ZMIZ1: variants seen among roughly 807,000 people sequenced by gnomAD.
ZMIZ1 encodes the protein zinc finger MIZ domain-containing protein 1.
In ZMIZ1, 17 loss-of-function variants were observed where a neutral mutation model predicts 113.9. That is an observed-to-expected ratio of 0.15 (90% CI 0.10 to 0.22). The LOEUF (loss-of-function observed/expected upper bound fraction) is 0.22, where lower values mean the gene tolerates loss of function less well. Ranked by LOEUF, ZMIZ1 falls within the 10% of genes least tolerant of loss-of-function variation. The pLI, the probability that ZMIZ1 is intolerant of heterozygous loss-of-function variation, is 1.00. For synonymous variants in ZMIZ1, 607 were observed against 603.1 expected (o/e 1.01, Z -0.09); for missense variants, 1,059 against 1,477.8 (o/e 0.72, Z 4.65).
intron 1 of ZMIZ1, among the ~76,000 whole-genome samples, chr10:79,102,729 A>G (rs993320916): frequency 6.6e-6 from 1 of 152,176 alleles, no homozygotes; most frequent in African/African-American, 2.4e-5. Flanking sequence ...GCCGTAGGCT[A>G]CCAGGCCCAC....
At position 79,161,313 on chromosome 10, in the gene ZMIZ1, C is replaced by T. The variant is rs114736990; in HGVS notation, c.-130-740C>T. Among the ~76,000 whole-genome samples, 1,024 of 152,344 alleles carry T rather than the reference C, an allele frequency of 6.7e-3. 8 individuals are homozygous for T. The highest frequency in any genetic ancestry group is 0.024 in the African/African-American group (980 of 41,564). On this transcript the variant is annotated intron_variant, in intron 3 of 24. Transcript: ENST00000334512. ...TCCTAAACTAGAACTAGGGTCACATCCCTCAGCTGCCCAGATGCTGCTGTG... is the reference window on the plus strand; with the variant it reads ...TCCTAAACTAGAACTAGGGTCACATTCCTCAGCTGCCCAGATGCTGCTGTG...
intron 9 of ZMIZ1, 58 bp from the exon 10 acceptor site, chr10:79,290,900 CT>C: frequency 6.3e-7 from 1 of 1,591,082 alleles, no homozygotes; most frequent in South Asian, 1.1e-5. Context: ...ATTTATCCCT[CT>C]TCCTCTCCAC....
Position 79,290,953 on chromosome 10 carries a change from C to G in ZMIZ1, c.541-6C>G. On this transcript the variant is annotated splice_region_variant and splice_polypyrimidine_tract_variant and intron_variant, in intron 9 of 24. Transcript: ENST00000334512. The stretch of plus-strand genomic sequence containing the variant: ...CCTTAGGTGACAACCACTTCTCTGC[C>G]CACAGGTCCTTGGGAACCCTATGGC... 2 of 1,612,358 alleles carry G rather than the reference C, an allele frequency of 1.2e-6. No homozygotes were observed. The highest frequency in any genetic ancestry group is 1.7e-6 in the Non-Finnish European group (2 of 1,178,624).
intron 1 of ZMIZ1, among the ~76,000 whole-genome samples, chr10:79,070,376 TC>T (rs1257369930): frequency 6.6e-6 from 1 of 151,928 alleles, no homozygotes; most frequent in Non-Finnish European, 1.5e-5. Context: ...GCGGCCGCCT[TC>T]CCGGCCATTG....
intron 7 of ZMIZ1, among the ~76,000 whole-genome samples, chr10:79,223,682 C>T (rs1016997315): frequency 1.3e-5 from 2 of 152,248 alleles, no homozygotes; most frequent in African/African-American, 4.8e-5. Context: ...AAGACACAGA[C>T]CCAGGTCACA....
chr10:79,293,847 C>A (rs890204813), intron 12 of ZMIZ1, 194 bp downstream of exon 12: 13 of 816,904 alleles, frequency 1.6e-5, no homozygotes, highest in African/African-American at 5.1e-5. Context: ...AGACCTCGAG[C>A]CAGTCACCCT....
intron 4 of ZMIZ1, among the ~76,000 whole-genome samples, chr10:79,166,828 C>T (rs969701380): frequency 6.6e-6 from 1 of 152,250 alleles, no homozygotes; most frequent in African/African-American, 2.4e-5. Context: ...CTCACCTGGA[C>T]GCCCTCGGGA....
At chr10:79,174,664 A>T (rs151005328) in intron 4 of ZMIZ1, among the ~76,000 whole-genome samples, 3 of 152,204 alleles carry the variant, frequency 2.0e-5, no homozygotes, top group Non-Finnish European at 4.4e-5. Context: ...TTAAAATCCA[A>T]GCCCAGTTGG....
intron 24 of ZMIZ1, 79 bp from the exon 25 acceptor site, chr10:79,312,563 A>G (rs911430753): frequency 3.0e-5 from 45 of 1,479,486 alleles, no homozygotes; most frequent in Non-Finnish European, 4.1e-5. Flanking sequence ...GGGACGGGCC[A>G]GGGCGCCCCT....
At chr10:79,277,111 T>G (rs1852342449) in intron 7 of ZMIZ1, 70 bp from the exon 8 acceptor site, 6 of 1,429,300 alleles carry the variant, frequency 4.2e-6, no homozygotes, top group South Asian at 1.6e-5. Context: ...CTGGGGAGAG[T>G]TGGGGGGGGG....
At chr10:79,210,176 A>G (rs1589427970) in intron 6 of ZMIZ1, among the ~76,000 whole-genome samples, 2 of 152,096 alleles carry the variant, frequency 1.3e-5, no homozygotes, top group African/African-American at 4.8e-5. Context: ...AGGAGGTGGG[A>G]ACCTTGTGTG....
chr10:79,286,742 C>T (rs1013050528), intron 8 of ZMIZ1, among the ~76,000 whole-genome samples: 26 of 152,248 alleles, frequency 1.7e-4, no homozygotes, highest in African/African-American at 6.0e-4. Context: ...GCCCACAAGG[C>T]TCACCCACGG....
At chr10:79,170,334 G>A (rs1846547929) in intron 4 of ZMIZ1, among the ~76,000 whole-genome samples, 1 of 152,184 alleles carries the variant, frequency 6.6e-6, no homozygotes, top group Admixed American at 6.5e-5. Flanking sequence ...ATGACAATCA[G>A]ACAGACATTC....
At chr10:79,264,454 A>G (rs1851466151) in intron 7 of ZMIZ1, among the ~76,000 whole-genome samples, 1 of 151,874 alleles carries the variant, frequency 6.6e-6, no homozygotes, top group Admixed American at 6.6e-5. Context: ...TTCTCAGGGC[A>G]CCTCTCCCCT....
At chr10:79,176,261 C>A (rs1428029105) in intron 4 of ZMIZ1, among the ~76,000 whole-genome samples, 2 of 152,102 alleles carry the variant, frequency 1.3e-5, no homozygotes, top group Middle Eastern at 3.2e-3. Flanking sequence ...GTGAGTGGAG[C>A]CCCCTCCAGC....
intron 1 of ZMIZ1, among the ~76,000 whole-genome samples, chr10:79,097,846 C>T (rs1196922617): frequency 6.6e-6 from 1 of 152,132 alleles, no homozygotes; most frequent in Non-Finnish European, 1.5e-5. Flanking sequence ...CCCCACCCAA[C>T]AGTGTGAGGA....
intron 1 of ZMIZ1, among the ~76,000 whole-genome samples, chr10:79,098,691 G>GAGT (rs1843253439): frequency 6.6e-6 from 1 of 152,264 alleles, no homozygotes; most frequent in African/African-American, 2.4e-5. Flanking sequence ...ACTGAGATTT[G>GAGT]AGTGCAGGTG....
At chr10:79,285,183 C>A (rs1474144509) in intron 8 of ZMIZ1, among the ~76,000 whole-genome samples, 1 of 152,238 alleles carries the variant, frequency 6.6e-6, no homozygotes, top group African/African-American at 2.4e-5. Context: ...TTGATTGGCT[C>A]TGCTACCTCT....
At chr10:79,198,656 C>T (rs1456399607) in intron 4 of ZMIZ1, among the ~76,000 whole-genome samples, 1 of 152,234 alleles carries the variant, frequency 6.6e-6, no homozygotes, top group Non-Finnish European at 1.5e-5. Context: ...CCCAGCAACT[C>T]CACTTCTGAG....
Sources: gnomAD v4.1 joint callset for allele counts (sites outside exome capture counted in the v4.1 genomes callset) on GRCh38, gnomAD v4.1.1 for gene constraint, MANE v1.5 for transcripts, NCBI Gene and HGNC (gene_info 2026-07-23, HGNC 2026-07-21) for gene names.